Variants in WLS observed in about 807,000 individuals in gnomAD.
The protein encoded by WLS is protein wntless homolog.
WLS carries 23 observed loss-of-function variants against 62.8 expected under a neutral mutation model. The ratio of observed to expected loss-of-function variants is 0.37; its 90% CI spans 0.26 to 0.52. The LOEUF is 0.52. Among genes scored for constraint, WLS ranks in the 20% least tolerant of loss-of-function variants. The pLI, the probability that WLS is intolerant of heterozygous loss-of-function variation, is 0.92. For missense variants in WLS, 615 were observed against 697.3 expected, an observed-to-expected ratio of 0.88 and a Z score of 1.33; for synonymous variants, 246 against 244.1, an observed-to-expected ratio of 1.01 and a Z score of -0.07.
At chr1:68,186,514 AT>A in intron 2 of WLS, 1 of 394,310 alleles carries the variant, frequency 2.5e-6, no homozygotes. Flanking sequence ...AAAAAAAAAA[AT>A]GGATTGGTCT....
chr1:68,128,997 T>C (rs1217326993), intron 11 of WLS, among the ~76,000 whole-genome samples: 1 of 150,238 alleles, frequency 6.7e-6, no homozygotes, highest in Non-Finnish European at 1.5e-5. Flanking sequence ...GCCAGTGAGG[T>C]ATGAAGTCCA....
At chr1:68,133,790 C>T (rs1005272573) in intron 11 of WLS, among the ~76,000 whole-genome samples, 7 of 152,198 alleles carry the variant, frequency 4.6e-5, no homozygotes, top group African/African-American at 1.7e-4. Flanking sequence ...CTTCTACTTC[C>T]TCCTGACACT....
At chr1:68,198,754 A>T (rs757022508) in intron 1 of WLS, among the ~76,000 whole-genome samples, 3 of 152,248 alleles carry the variant, frequency 2.0e-5, no homozygotes, top group Non-Finnish European at 4.4e-5. Context: ...GTAACCTGAC[A>T]TTCCCTGAGA....
intron 3 of WLS, among the ~76,000 whole-genome samples, chr1:68,156,507 A>G (rs888672806): frequency 1.8e-4 from 27 of 152,196 alleles, no homozygotes; most frequent in African/African-American, 6.3e-4. Context: ...AATGCAGTAA[A>G]CAGACCTTTG....
intron 1 of WLS, chr1:68,231,659 C>CAA (rs1269633919): frequency 1.4e-5 from 6 of 442,406 alleles, no homozygotes. Context: ...CCCCAAATTG[C>CAA]AAACCCTCAG....
intron 1 of WLS, among the ~76,000 whole-genome samples, chr1:68,215,126 A>G (rs1172653156): frequency 2.6e-5 from 4 of 152,194 alleles, no homozygotes; most frequent in Non-Finnish European, 5.9e-5. Flanking sequence ...GAGTGGGGAA[A>G]AAAATGCTCC....
chr1:68,104,477 G>T lies in WLS; in HGVS notation c.1511-5724C>A, dbSNP rs567495404. Among the ~76,000 whole-genome samples the T allele has an allele frequency of 2.0e-5, 3 of 150,966 alleles. No individual in the cohort carries two copies. The East Asian group carries it at 5.9e-4, about 30-fold the overall frequency. On this transcript the variant is annotated intron_variant, in intron 11 of 11. Coordinates refer to the WLS transcript ENST00000354777. ...TCTACAATCAGTGAAAACTTGGAGG[G>T]TATTTCTCCTTTGTAGGTGCAATAT...
intron 11 of WLS, among the ~76,000 whole-genome samples, chr1:68,109,913 A>T (rs1646198696): frequency 6.6e-6 from 1 of 151,838 alleles, no homozygotes; most frequent in Non-Finnish European, 1.5e-5. Context: ...AGAATTGATA[A>T]CAATGTTACC....
rs1428810943 is a variant in WLS at position 68,099,204 on chromosome 1, TA to T, written c.1511-452del. ...ATTGAATCATCTTTAAATTTATTTT[TA>T]TTTTTTTTTATATGTCTTATCATCT... On this transcript the variant is annotated intron_variant, in intron 11 of 11. Coordinates refer to the WLS transcript ENST00000354777. Among the ~76,000 whole-genome samples the T allele has an allele frequency of 8.5e-5, 13 of 152,218 alleles. No homozygotes were observed. The South Asian group carries it at 2.3e-3, about 27-fold the overall frequency.
intron 10 of WLS, chr1:68,141,407 C>G (rs963321679): frequency 6.6e-6 from 1 of 152,110 alleles, no homozygotes; most frequent in Non-Finnish European, 1.5e-5. Flanking sequence ...CTAAATGGAA[C>G]GCCTCTTTCT....
chr1:68,100,711 G>A (rs2100286322), intron 11 of WLS: 1 of 152,296 alleles, frequency 6.6e-6, no homozygotes, highest in African/African-American at 2.4e-5. Context: ...TCATAAGGCT[G>A]TCGGAATGGA....
rs376267539 is a variant in WLS at position 68,177,688 on chromosome 1, T to G, written c.379+16267A>C. On this transcript the variant is annotated intron_variant, in intron 2 of 11. Coordinates refer to ENST00000262348, the MANE Select transcript of WLS (RefSeq NM_024911.7). ...TTTGTATTTTTTGTAGAGACAGGGT[T>G]TCACCATGTTGCTCAGGCTGGTCTC... Among the ~76,000 whole-genome samples, 643 of 152,224 alleles carry G rather than the reference T, an allele frequency of 4.2e-3. 3 individuals carry two copies. Among genetic ancestry groups the G allele is most frequent in the African/African-American group, 0.014 (592 of 41,538 alleles).
intron 11 of WLS, among the ~76,000 whole-genome samples, chr1:68,135,879 T>C (rs1039426101): frequency 6.6e-6 from 1 of 152,056 alleles, no homozygotes; most frequent in African/African-American, 2.4e-5. Flanking sequence ...AAACACCGAG[T>C]GGTGTTTTTA....
intron 11 of WLS, among the ~76,000 whole-genome samples, chr1:68,131,055 G>C (rs965551190): frequency 3.7e-5 from 2 of 54,442 alleles, no homozygotes; most frequent in African/African-American, 1.1e-4. Flanking sequence ...ACCATGCCCA[G>C]CTAATTTTGT....
chr1:68,171,961 C>T (rs1269486268), intron 2 of WLS, among the ~76,000 whole-genome samples: 2 of 152,290 alleles, frequency 1.3e-5, no homozygotes, highest in Middle Eastern at 3.4e-3. Context: ...GCCACATATA[C>T]ACCATGGAAT....
chr1:68,145,794 G>T, intron 9 of WLS, 75 bp downstream of exon 9: 1 of 1,569,652 alleles, frequency 6.4e-7, no homozygotes, highest in African/African-American at 1.4e-5. Flanking sequence ...CTATCTCCAG[G>T]GTGTGTGTGT....
chr1:68,176,483 C>T (rs1047750337), intron 2 of WLS: 6 of 152,198 alleles, frequency 3.9e-5, no homozygotes, highest in East Asian at 1.9e-4. Flanking sequence ...AAAGGACAAG[C>T]TACGAGTCTC....
At chr1:68,119,276 A>T (rs1646335471) in intron 11 of WLS, among the ~76,000 whole-genome samples, 1 of 152,242 alleles carries the variant, frequency 6.6e-6, no homozygotes, top group Non-Finnish European at 1.5e-5. Flanking sequence ...CTACACATAT[A>T]TGCATGGAAA....
At chr1:68,165,557 G>A (rs1201910815) in intron 2 of WLS, among the ~76,000 whole-genome samples, 2 of 152,276 alleles carry the variant, frequency 1.3e-5, no homozygotes, top group Non-Finnish European at 2.9e-5. Flanking sequence ...TTGGATGTTC[G>A]GTGGGGGTGG....
Sources: gnomAD v4.1 joint callset for allele counts (sites outside exome capture counted in the v4.1 genomes callset) on GRCh38, gnomAD v4.1.1 for gene constraint, MANE v1.5 for transcripts, NCBI Gene and HGNC (gene_info 2026-07-23, HGNC 2026-07-21) for gene names.